The following LARGE1 variants were observed in gnomAD, a reference collection of about 807,000 sequenced individuals.
The protein encoded by LARGE1 is xylosyl- and glucuronyltransferase LARGE1.
In LARGE1, 43 loss-of-function variants were observed where a neutral mutation model predicts 87.6. The observed-to-expected ratio is 0.49, with a 90% confidence interval of 0.38 to 0.63. The LOEUF (loss-of-function observed/expected upper bound fraction) is 0.63. Ranked by LOEUF, LARGE1 falls within the 30% of genes least tolerant of loss-of-function variation. The probability of loss-of-function intolerance (pLI) is 0.00; values close to 1 mark genes in which losing one functional copy is unlikely to be tolerated. For synonymous variants in LARGE1, 434 were observed against 394.6 expected (o/e 1.10, Z -1.18); for missense variants, 802 against 1,000.2 (o/e 0.80, Z 2.67).
intron 1 of LARGE1, among the ~76,000 whole-genome samples, chr22:33,911,537 T>C (rs1054186978): frequency 1.3e-5 from 2 of 152,182 alleles, no homozygotes; most frequent in Non-Finnish European, 2.9e-5. Flanking sequence ...AGCGCCGGTC[T>C]ACACCTAAGT....
At chr22:33,354,824 G>A (rs1940740388) in intron 9 of LARGE1, among the ~76,000 whole-genome samples, 1 of 152,086 alleles carries the variant, frequency 6.6e-6, no homozygotes, top group Admixed American at 6.6e-5. Flanking sequence ...TGTATAACAT[G>A]CCCTTAAAAC....
intron 1 of LARGE1, among the ~76,000 whole-genome samples, chr22:33,786,770 C>T (rs1244930297): frequency 6.6e-6 from 1 of 152,124 alleles, no homozygotes; most frequent in Non-Finnish European, 1.5e-5. Context: ...GCCTGTAATC[C>T]CAGCACTTTG....
At chr22:33,846,680 G>GCA (rs1207441430) in intron 1 of LARGE1, among the ~76,000 whole-genome samples, 2 of 152,192 alleles carry the variant, frequency 1.3e-5, no homozygotes, top group African/African-American at 4.8e-5. Flanking sequence ...GAGAATACAT[G>GCA]CCTGGGGGTA....
chr22:33,388,333 G>C (rs942907564), intron 7 of LARGE1, among the ~76,000 whole-genome samples: 2 of 152,224 alleles, frequency 1.3e-5, no homozygotes, highest in Non-Finnish European at 1.5e-5. Context: ...GTTGGACCGG[G>C]ATTGCCGTGT....
intron 1 of LARGE1, among the ~76,000 whole-genome samples, chr22:33,872,187 T>TG (rs1473222064): frequency 1.3e-5 from 2 of 151,842 alleles, no homozygotes; most frequent in African/African-American, 4.8e-5. Context: ...GACTGCCATG[T>TG]GGCGGCGTGG....
chr22:33,249,665 A>G (rs1428860639), intron 11 of LARGE1, among the ~76,000 whole-genome samples: 2 of 152,148 alleles, frequency 1.3e-5, no homozygotes, highest in East Asian at 3.8e-4. Context: ...GGAGTTCCAT[A>G]GTTCTGGGTT....
chr22:33,538,500 T>C (rs534768728), intron 6 of LARGE1, among the ~76,000 whole-genome samples: 48 of 152,202 alleles, frequency 3.2e-4, no homozygotes, highest in Non-Finnish European at 6.5e-4. Flanking sequence ...CGAAGGTACA[T>C]TGTGCAATCT....
At chr22:33,362,560 G>A (rs1040941340) in intron 9 of LARGE1, among the ~76,000 whole-genome samples, 4 of 149,934 alleles carry the variant, frequency 2.7e-5, no homozygotes, top group Non-Finnish European at 4.5e-5. Flanking sequence ...TAAGCCTCTC[G>A]CTAGTAGGAT....
At chr22:33,580,566 C>T (rs935469057) in intron 5 of LARGE1, among the ~76,000 whole-genome samples, 3 of 152,076 alleles carry the variant, frequency 2.0e-5, no homozygotes, top group Non-Finnish European at 4.4e-5. Flanking sequence ...GAGCTCGAGA[C>T]GCTAGTCCTT....
At chr22:33,891,021 TGC>T in intron 1 of LARGE1, among the ~76,000 whole-genome samples, 1 of 8,562 alleles carries the variant, frequency 1.2e-4, no homozygotes, top group Non-Finnish European at 1.8e-4. Context: ...TATGGTTCTG[TGC>T]ATATGGGAAG....
At chr22:33,808,308 G>C (rs1189920860) in intron 1 of LARGE1, among the ~76,000 whole-genome samples, 1 of 152,186 alleles carries the variant, frequency 6.6e-6, no homozygotes, top group African/African-American at 2.4e-5. Flanking sequence ...TTTCTTTGGG[G>C]AGGTATCTGT....
intron 6 of LARGE1, among the ~76,000 whole-genome samples, chr22:33,558,277 T>C (rs1012582786): frequency 6.6e-6 from 1 of 152,144 alleles, no homozygotes; most frequent in African/African-American, 2.4e-5. Flanking sequence ...ATTCCTTTCC[T>C]ATGGGCTAAC....
At chr22:33,095,779 C>T in the LARGE1 span, among the ~76,000 whole-genome samples, 3 of 152,308 alleles carry the variant, frequency 2.0e-5, no homozygotes, top group African/African-American at 7.2e-5. Context: ...GTGGCTTCAA[C>T]CATCGTTTCC....
At chr22:33,446,918 G>C (rs1356043748) in intron 6 of LARGE1, among the ~76,000 whole-genome samples, 1 of 152,178 alleles carries the variant, frequency 6.6e-6, no homozygotes, top group Non-Finnish European at 1.5e-5. Flanking sequence ...TTTTGAGACA[G>C]AGTCTTGCTC....
chr22:33,716,479 T>A (rs2082910758), intron 2 of LARGE1, among the ~76,000 whole-genome samples: 1 of 152,210 alleles, frequency 6.6e-6, no homozygotes, highest in Non-Finnish European at 1.5e-5. Context: ...CACAGCTCAC[T>A]GCAGCCTTGA....
rs2067183198 is a variant in LARGE1, at chr22:33,434,210, C to T, written c.788-1945G>A. Among the ~76,000 whole-genome samples, 4 of 152,310 alleles carry T rather than the reference C, an allele frequency of 2.6e-5. No homozygotes were observed. The South Asian group carries it at 8.3e-4, about 32-fold the overall frequency. ...AGCTAGAGACCTCATTTAATAACCT[C>T]ACAATGAGGATGGGAAGTGTCATTG... On this transcript the variant is annotated intron_variant, in intron 6 of 14. Transcript: ENST00000397394.
chr22:33,372,575 G>GT (rs995668200), intron 9 of LARGE1, among the ~76,000 whole-genome samples: 10 of 152,078 alleles, frequency 6.6e-5, no homozygotes, highest in Admixed American at 6.6e-4. Flanking sequence ...ATCAGATCTC[G>GT]TAAGACCTAT....
chr22:33,302,694 G>A (rs557928351), intron 12 of LARGE1, among the ~76,000 whole-genome samples: 34 of 152,298 alleles, frequency 2.2e-4, no homozygotes, highest in African/African-American at 8.2e-4. Context: ...GCAAGAGAAC[G>A]AGAGAGAAAG....
the LARGE1 span, among the ~76,000 whole-genome samples, chr22:33,113,418 G>T: frequency 6.6e-6 from 1 of 152,124 alleles, no homozygotes; most frequent in African/African-American, 2.4e-5. Flanking sequence ...TGTTGGTCAG[G>T]CTGGTCTCGA....
Sources: allele counts gnomAD v4.1 joint callset (sites outside exome capture counted in the v4.1 genomes callset), GRCh38; gene constraint gnomAD v4.1.1; transcripts MANE v1.5; gene names NCBI Gene and HGNC (gene_info 2026-07-23, HGNC 2026-07-21).